Variants in ACOT1 observed in about 807,000 individuals in gnomAD.
ACOT1 encodes the protein acyl-CoA thioesterase 1.
Under a neutral mutation model 15.7 loss-of-function variants are expected in ACOT1, and 8 were observed. The observed-to-expected ratio is 0.51, with a 90% CI of 0.30 to 0.92. ACOT1 has a LOEUF of 0.92. Among genes scored for constraint, ACOT1 ranks in the 40% least tolerant of loss-of-function variants. The pLI, the probability that ACOT1 is intolerant of heterozygous loss-of-function variation, is 0.06. For missense variants in ACOT1, 151 were observed against 539.4 expected (o/e 0.28, Z 7.13); for synonymous variants, 67 against 241.2 (o/e 0.28, Z 6.69).
At chr14:73,523,207 G>A in the ACOT1 span, 2 of 1,484,028 alleles carry the variant, frequency 1.3e-6, no homozygotes, top group East Asian at 4.9e-5. Flanking sequence ...GGAAAGGCCT[G>A]GAGATGAGAC....
chr14:73,533,881 TAAAAAAAAAAAAAAA>T (rs59844752), upstream of ACOT1, among the ~76,000 whole-genome samples: 1 of 37,988 alleles, frequency 2.6e-5, no homozygotes, highest in Admixed American at 3.8e-4. Flanking sequence ...ACCCTGTCTC[TAAAAAAAAAAAAAAA>T]AAAAAAAGGT....
chr14:73,496,422 G>T, the ACOT1 span, among the ~76,000 whole-genome samples: 1 of 152,196 alleles, frequency 6.6e-6, no homozygotes, highest in African/African-American at 2.4e-5. Context: ...GTAGGACCTT[G>T]TAACCCAATC....
At chr14:73,521,152 G>A in the ACOT1 span, 55 of 882,826 alleles carry the variant, frequency 6.2e-5, no homozygotes, top group Non-Finnish European at 8.8e-5. Flanking sequence ...TCCTATACAC[G>A]TGAGCATTGC....
At chr14:73,526,740 C>T in the ACOT1 span, among the ~76,000 whole-genome samples, 1 of 152,164 alleles carries the variant, frequency 6.6e-6, no homozygotes, top group Admixed American at 6.6e-5. Flanking sequence ...GGCAGGATTC[C>T]CCACCTGCTG....
chr14:73,528,230 A>G, the ACOT1 span, among the ~76,000 whole-genome samples: 2 of 151,810 alleles, frequency 1.3e-5, no homozygotes, highest in Admixed American at 1.3e-4. Context: ...CCCCATCTCT[A>G]CTAAAAATAC....
the ACOT1 span, chr14:73,514,032 CAG>C: frequency 3.1e-6 from 5 of 1,614,168 alleles, no homozygotes; most frequent in Non-Finnish European, 4.2e-6. Flanking sequence ...TTCACTCACT[CAG>C]AGCCCAGGCA....
the ACOT1 span, chr14:73,492,293 A>G: frequency 1.2e-6 from 2 of 1,614,032 alleles, no homozygotes; most frequent in Admixed American, 1.7e-5. The surrounding 1 kb of genome is among the most constrained non-coding windows in gnomAD (Gnocchi z 4.9). Context: ...GTACCAGCGC[A>G]ATACCTGGGG....
chr14:73,492,870 A>G, the ACOT1 span: 506 of 1,613,864 alleles, frequency 3.1e-4, no homozygotes, highest in Non-Finnish European at 4.0e-4. This position sits in a 1 kb window ranked among gnomAD's most constrained non-coding sequence, Gnocchi z 4.9. Flanking sequence ...AGTGTGGAGG[A>G]CCAGCTGTCC....
chr14:73,492,316 GGCCATACT>G, the ACOT1 span: 1 of 1,614,044 alleles, frequency 6.2e-7, no homozygotes, highest in South Asian at 1.1e-5. The surrounding 1 kb of genome is among the most constrained non-coding windows in gnomAD (Gnocchi z 4.9). Flanking sequence ...ACTTCTTAGA[GGCCATACT>G]GCCTCTGGCA....
chr14:73,499,947 A>C, the ACOT1 span, among the ~76,000 whole-genome samples: 1 of 152,136 alleles, frequency 6.6e-6, no homozygotes, highest in Non-Finnish European at 1.5e-5. Context: ...CATGAGATTT[A>C]TGCCAGGCGC....
At chr14:73,511,135 G>A in the ACOT1 span, among the ~76,000 whole-genome samples, 1 of 152,164 alleles carries the variant, frequency 6.6e-6, no homozygotes, top group Non-Finnish European at 1.5e-5. Flanking sequence ...TCTACCACTA[G>A]TCTCATTTTA....
Position 73,543,228 on chromosome 14 carries a change from A to T in ACOT1, c.839A>T (p.Asn280Ile). 1 of 1,602,818 alleles carries T rather than the reference A, an allele frequency of 6.2e-7. No individual in the cohort carries two copies. Among genetic ancestry groups the T allele is most frequent in the Non-Finnish European group, 8.5e-7 (1 of 1,175,330 alleles). The change falls in exon 3 of 3, where the codon AAT (asparagine) becomes ATT (isoleucine). Residue 280 changes from asparagine (N) to isoleucine (I), a missense_variant. Coordinates refer to ENST00000311148, the MANE Select transcript of ACOT1 (RefSeq NM_001037161.2). ...ETLPPVGVNRNRIKVTKDGYA... is the reference protein window; with the variant it reads ...ETLPPVGVNRIRIKVTKDGYA... ...CTGCCCCCTGTGGGCGTCAACAGAA[A>T]TCGCATCAAGGTGACCAAAGATGGC...
At chr14:73,497,461 T>C in the ACOT1 span, among the ~76,000 whole-genome samples, 1 of 152,220 alleles carries the variant, frequency 6.6e-6, no homozygotes, top group South Asian at 2.1e-4. Context: ...CACCTGCATT[T>C]GATACATGAA....
At chr14:73,523,127 G>T in the ACOT1 span, 1 of 1,603,912 alleles carries the variant, frequency 6.2e-7, no homozygotes. Context: ...GGGGAGAAAG[G>T]TCTTTCCCTT....
the ACOT1 span, among the ~76,000 whole-genome samples, chr14:73,510,021 C>T: frequency 1.3e-5 from 2 of 150,052 alleles, no homozygotes; most frequent in Admixed American, 1.3e-4. Flanking sequence ...CTACAGGCAC[C>T]CAGCTAATTT....
At chr14:73,509,893 A>C in the ACOT1 span, among the ~76,000 whole-genome samples, 1 of 127,654 alleles carries the variant, frequency 7.8e-6, no homozygotes. Context: ...ATATTTTTTG[A>C]GACGGAGTCT....
the ACOT1 span, among the ~76,000 whole-genome samples, chr14:73,526,113 G>A: frequency 6.6e-6 from 1 of 151,672 alleles, no homozygotes; most frequent in Non-Finnish European, 1.5e-5. Flanking sequence ...CAACAGCTTG[G>A]AGAGAGAATC....
chr14:73,509,171 T>C, the ACOT1 span: 1 of 843,224 alleles, frequency 1.2e-6, no homozygotes, highest in Non-Finnish European at 1.9e-6. Flanking sequence ...CTGGTCCTAA[T>C]TTTCAAATGG....
At chr14:73,496,607 C>T in the ACOT1 span, 3 of 1,596,212 alleles carry the variant, frequency 1.9e-6, no homozygotes, top group Non-Finnish European at 2.6e-6. Context: ...TTACCCTGTT[C>T]TTGATCTCCT....
Sources: allele counts gnomAD v4.1 joint callset (sites outside exome capture counted in the v4.1 genomes callset), GRCh38; gene constraint gnomAD v4.1.1; non-coding constraint Gnocchi (gnomAD v3.1); transcripts MANE v1.5; gene names NCBI Gene and HGNC (gene_info 2026-07-23, HGNC 2026-07-21).